The following RPAP2 variants were observed in gnomAD, a reference collection of about 807,000 sequenced individuals.
The protein encoded by RPAP2 is RNA polymerase II associated protein 2, also known as putative RNA polymerase II subunit B1 CTD phosphatase RPAP2.
In RPAP2, 52 loss-of-function variants were observed where a neutral mutation model predicts 73.1. The ratio of observed to expected loss-of-function variants is 0.71; its 90% CI spans 0.57 to 0.90. The LOEUF (loss-of-function observed/expected upper bound fraction) is 0.90. Among genes scored for constraint, RPAP2 ranks in the 40% least tolerant of loss-of-function variants. RPAP2 has a pLI of 0.00. For synonymous variants in RPAP2, 225 were observed against 242.1 expected (o/e 0.93, Z 0.65); for missense variants, 598 against 701.8 (o/e 0.85, Z 1.67).
chr1:92,332,462 TATC>T (rs1414995230), intron 8 of RPAP2, among the ~76,000 whole-genome samples: 2 of 152,174 alleles, frequency 1.3e-5, no homozygotes, highest in Non-Finnish European at 1.5e-5. Context: ...TTCAGATTTT[TATC>T]ATATTGTCGT....
intron 11 of RPAP2, among the ~76,000 whole-genome samples, chr1:92,352,378 G>C (rs565617309): frequency 6.6e-6 from 1 of 152,306 alleles, no homozygotes; most frequent in South Asian, 2.1e-4. Flanking sequence ...AGATACTCTG[G>C]AGAGTCACTT....
intron 11 of RPAP2, among the ~76,000 whole-genome samples, chr1:92,348,355 A>C (rs944007772): frequency 1.5e-4 from 23 of 152,328 alleles, no homozygotes; most frequent in Admixed American, 1.2e-3. Context: ...AGTTAGGGGA[A>C]ACCCTTTTAG....
At chr1:92,306,800 T>A (rs1331488634) in intron 5 of RPAP2, among the ~76,000 whole-genome samples, 1 of 151,816 alleles carries the variant, frequency 6.6e-6, no homozygotes, top group East Asian at 1.9e-4. Context: ...ACCCTGTCCC[T>A]AAAAAAAATA....
chr1:92,304,134 T>C, intron 4 of RPAP2, 59 bp downstream of exon 4: 3 of 1,354,366 alleles, frequency 2.2e-6, no homozygotes. Flanking sequence ...AGCAAAATAC[T>C]TTGTTGTAAG....
chr1:92,364,792 C>G (rs180932974), intron 11 of RPAP2, among the ~76,000 whole-genome samples: 50 of 152,298 alleles, frequency 3.3e-4, no homozygotes. Context: ...GGTCTCCTTG[C>G]CGTGTGTCTC....
At chr1:92,337,811 C>T (rs963379835) in intron 10 of RPAP2, among the ~76,000 whole-genome samples, 1 of 152,074 alleles carries the variant, frequency 6.6e-6, no homozygotes, top group African/African-American at 2.4e-5. Context: ...AATTCCCCAA[C>T]AGAAATTTAA....
At position 92,347,328 on chromosome 1, in the gene RPAP2, AATATCAGTAT is replaced by A. The variant is rs35225261; in HGVS notation, c.1688+1415_1688+1424del. ...AAATATTTTGGTCACTGGCAAAGAA[AATATCAGTAT>A]CTCTGCTCACCCACCAGATCATATG... On this transcript the variant is annotated intron_variant, in intron 11 of 12. Coordinates refer to ENST00000610020, the MANE Select transcript of RPAP2 (RefSeq NM_024813.3). Among the ~76,000 whole-genome samples, 903 of 152,298 alleles carry A rather than the reference AATATCAGTAT, an allele frequency of 5.9e-3. 6 individuals are homozygous for A. Among genetic ancestry groups the A allele is most frequent in the African/African-American group, 0.019 (796 of 41,566 alleles).
rs974804910 is a variant in RPAP2, at chr1:92,380,236, C to T, written c.1689-488C>T. ...GAGGTTGCAGTGAGCTGAGATTGTACCACTGCACTCCAGCCTAGATGACAG... is the reference window on the plus strand; with the variant it reads ...GAGGTTGCAGTGAGCTGAGATTGTATCACTGCACTCCAGCCTAGATGACAG... On this transcript the variant is annotated intron_variant, in intron 11 of 12. Transcript: ENST00000610020. Among the ~76,000 whole-genome samples the T allele has an allele frequency of 3.3e-5, 5 of 151,482 alleles. No homozygotes were observed. The East Asian group carries it at 5.8e-4, about 18-fold the overall frequency.
In RPAP2 at chr1:92,401,676, C is replaced by G. The variant is rs1656320941; in HGVS notation, c.*14665C>G. ...TCAGCTGTAAGTTTTCCTAGAGACC[C>G]TTTCTCAGCTTGAAGATGTTCCCTG... is the stretch of plus-strand genomic sequence containing the variant. On this transcript the variant is annotated 3_prime_UTR_variant, in exon 13 of 13. Transcript: ENST00000610020. 6.6e-6 allele frequency: 1 copy of G among 152,184 alleles called. No homozygotes were observed. The highest frequency in any genetic ancestry group is 2.4e-5 in the African/African-American group (1 of 41,440). The allele number at this position is 152,184 out of a possible 1,614,324, so 9.4% of individuals were successfully genotyped here. A position where few individuals can be genotyped will look rare whatever the true frequency, so the allele number is the denominator to read the frequency against.
chr1:92,383,121 C>G (rs1321826146), intron 12 of RPAP2, among the ~76,000 whole-genome samples: 18 of 151,674 alleles, frequency 1.2e-4, no homozygotes, highest in African/African-American at 2.9e-4. Flanking sequence ...CTGTTCCATT[C>G]ATCTATATCT....
At chr1:92,312,176 C>T (rs1164180174) in intron 6 of RPAP2, among the ~76,000 whole-genome samples, 1 of 152,144 alleles carries the variant, frequency 6.6e-6, no homozygotes, top group Admixed American at 6.5e-5. Flanking sequence ...TGTTGCGGGG[C>T]AAGGCAGGAG....
Position 92,390,942 on chromosome 1 carries a change from CT to C in RPAP2, c.*3934del, listed in dbSNP as rs1452022032. Reference sequence around the variant, plus strand: ...ACTCCCACACAATATTAATGGGTGACTTTAACACCCCACTGTCAATATTAGA... The same window carrying C: ...ACTCCCACACAATATTAATGGGTGACTTAACACCCCACTGTCAATATTAGA... On this transcript the variant is annotated 3_prime_UTR_variant, in exon 13 of 13. Transcript: ENST00000610020. The C allele has an allele frequency of 1.3e-5, 2 of 152,156 alleles. No individual in the cohort carries two copies. The highest frequency in any genetic ancestry group is 4.8e-5 in the African/African-American group (2 of 41,430). 9.4% of individuals were successfully genotyped at this position (152,156 alleles called of 1,614,324 possible).
At chr1:92,345,379 T>TA (rs57025975) in intron 10 of RPAP2, among the ~76,000 whole-genome samples, 3,715 of 73,638 alleles carry the variant, frequency 0.05, 98 homozygotes, top group Middle Eastern at 0.077. Flanking sequence ...CCCGTTTCTT[T>TA]AAAAAAAAAA....
chr1:92,366,181 T>C (rs1654926213), intron 11 of RPAP2, among the ~76,000 whole-genome samples: 1 of 152,162 alleles, frequency 6.6e-6, no homozygotes, highest in Admixed American at 6.5e-5. Flanking sequence ...TGCTTGCCTG[T>C]AGTCTCGGCT....
intron 10 of RPAP2, 151 bp from the exon 11 acceptor site, chr1:92,345,695 T>C (rs1653852038): frequency 1.8e-6 from 1 of 565,960 alleles, no homozygotes. Context: ...GCCACATTAT[T>C]ATACTATTGA....
intron 9 of RPAP2, among the ~76,000 whole-genome samples, chr1:92,335,263 A>T (rs1653213597): frequency 6.6e-6 from 1 of 152,202 alleles, no homozygotes; most frequent in African/African-American, 2.4e-5. Context: ...GGGAATGAAA[A>T]ATGAAGCAAA....
At position 92,388,470 on chromosome 1, in the gene RPAP2, T is replaced by A. The variant is rs1334506899; in HGVS notation, c.*1459T>A. 4 of 152,188 alleles carry A rather than the reference T, an allele frequency of 2.6e-5. No homozygotes were observed. Among genetic ancestry groups the A allele is most frequent in the African/African-American group, 2.4e-5 (1 of 41,444 alleles). 9.4% of individuals were successfully genotyped at this position (152,188 alleles called of 1,614,324 possible). On this transcript the variant is annotated 3_prime_UTR_variant, in exon 13 of 13. Transcript: ENST00000610020. Reference sequence around the variant, plus strand: ...AGGATGGACACAGAAGATGGGTGATTTCTGCATTTTCAACTAAAGTACCTG... The same window carrying A: ...AGGATGGACACAGAAGATGGGTGATATCTGCATTTTCAACTAAAGTACCTG...
chr1:92,382,451 T>C (rs899633376), intron 12 of RPAP2, among the ~76,000 whole-genome samples: 4 of 152,208 alleles, frequency 2.6e-5, no homozygotes, highest in African/African-American at 9.6e-5. Context: ...GACTTTTTAA[T>C]GATCGCCATT....
chr1:92,358,139 G>A (rs953887772), intron 11 of RPAP2, among the ~76,000 whole-genome samples: 1 of 152,144 alleles, frequency 6.6e-6, no homozygotes, highest in African/African-American at 2.4e-5. Flanking sequence ...CTTCCACCTT[G>A]CGTCAGCCCT....
Sources: gnomAD v4.1 joint callset for allele counts (sites outside exome capture counted in the v4.1 genomes callset) on GRCh38, gnomAD v4.1.1 for gene constraint, MANE v1.5 for transcripts, NCBI Gene and HGNC (gene_info 2026-07-23, HGNC 2026-07-21) for gene names.